Variants in PPP1R7 observed in about 807,000 individuals in gnomAD.
PPP1R7 encodes protein phosphatase 1 regulatory subunit 7, also known as protein phosphatase 1 regulatory subunit 22.
PPP1R7 carries 18 observed loss-of-function variants against 45.2 expected under a neutral mutation model. The ratio of observed to expected loss-of-function variants is 0.40; its 90% CI spans 0.28 to 0.59. PPP1R7 has a LOEUF of 0.59. PPP1R7 is among the 20% of genes least tolerant of loss of function. PPP1R7 has a pLI of 0.46. For missense variants in PPP1R7, 314 were observed against 455.8 expected, an observed-to-expected ratio of 0.69 and a Z score of 2.83; for synonymous variants, 181 against 183.4, an observed-to-expected ratio of 0.99 and a Z score of 0.11.
chr2:241,164,436 T>TG (rs1451490502), intron 7 of PPP1R7, among the ~76,000 whole-genome samples: 1 of 152,226 alleles, frequency 6.6e-6, no homozygotes, highest in Non-Finnish European at 1.5e-5. Context: ...TTACCTTTTG[T>TG]GTTGGAAGCA....
intron 9 of PPP1R7, among the ~76,000 whole-genome samples, chr2:241,176,596 T>A (rs796868918): frequency 7.2e-5 from 11 of 152,192 alleles, no homozygotes; most frequent in African/African-American, 2.6e-4. Context: ...TAGTTGGGAT[T>A]ACAGGTGGCT....
chr2:241,162,534 T>C (rs537611288), intron 6 of PPP1R7, among the ~76,000 whole-genome samples: 1 of 152,078 alleles, frequency 6.6e-6, no homozygotes, highest in South Asian at 2.1e-4. Flanking sequence ...AAGAGTGATG[T>C]AGGAGGGTGT....
chr2:241,161,625 A>G (rs2067592488), intron 6 of PPP1R7, among the ~76,000 whole-genome samples: 1 of 152,226 alleles, frequency 6.6e-6, no homozygotes. Context: ...CGTGGGACAG[A>G]ATGGAAATAA....
chr2:241,150,103 G>A, upstream of PPP1R7: 1 of 1,263,748 alleles, frequency 7.9e-7, no homozygotes, highest in Non-Finnish European at 1.0e-6. Context: ...AGATCCGCCT[G>A]GCCCGCGGCC....
chr2:241,181,145 C>T (rs906020808), intron 9 of PPP1R7, among the ~76,000 whole-genome samples: 5 of 152,144 alleles, frequency 3.3e-5, no homozygotes, highest in African/African-American at 1.2e-4. Flanking sequence ...TTGCAGTGAG[C>T]AGAGATTGCC....
chr2:241,168,204 G>A lies in PPP1R7; in HGVS notation c.820-1577G>A, dbSNP rs112221080. On this transcript the variant is annotated intron_variant, in intron 8 of 9. Transcript: ENST00000234038. The stretch of plus-strand genomic sequence containing the variant: ...GTTTTCACAACATTGTCCAGCTCCT[G>A]TAGAAAAACGTGAAATAGTGTTGAG... 1.3e-3 allele frequency among the ~76,000 whole-genome samples: 197 copies of A among 152,326 alleles called. 2 individuals carry two copies. Among genetic ancestry groups the A allele is most frequent in the African/African-American group, 4.5e-3 (185 of 41,566 alleles).
At chr2:241,149,811 T>C (rs1331477731), upstream of PPP1R7, 11 of 1,531,116 alleles carry the variant, frequency 7.2e-6, no homozygotes, top group Admixed American at 1.2e-4. Flanking sequence ...AGACGAAGGC[T>C]GCAGCGTCCG....
chr2:241,153,706 A>G, intron 2 of PPP1R7, 102 bp downstream of exon 2: 1 of 1,467,790 alleles, frequency 6.8e-7, no homozygotes, highest in Non-Finnish European at 9.2e-7. Flanking sequence ...GGTCTGGAGA[A>G]GGACTGCCGT....
At chr2:241,167,523 C>T (rs770720044) in intron 8 of PPP1R7, among the ~76,000 whole-genome samples, 1 of 152,172 alleles carries the variant, frequency 6.6e-6, no homozygotes, top group Non-Finnish European at 1.5e-5. Flanking sequence ...GGGTGGGGTG[C>T]GCAGCAGGGA....
rs535459410 is a variant in PPP1R7 at position 241,182,956 on chromosome 2, G to A, written c.*133G>A. On this transcript the variant is annotated 3_prime_UTR_variant, in exon 10 of 10. Transcript: ENST00000234038. ...ACCCAATGGCAATAAAGGCACTGAC[G>A]ATAGCTGGCGCGCGCGACGTCACAC... 5.4e-5 allele frequency: 56 copies of A among 1,035,414 alleles called. No individual in the cohort carries two copies. Among genetic ancestry groups the A allele is most frequent in the South Asian group, 3.5e-4 (21 of 60,352 alleles). The allele number at this position is 1,035,414 out of a possible 1,614,324, so 64.1% of individuals were successfully genotyped here. A position where few individuals can be genotyped will look rare whatever the true frequency, so the allele number is the denominator to read the frequency against.
chr2:241,150,089 G>A (rs1480121643), upstream of PPP1R7: 2 of 1,269,222 alleles, frequency 1.6e-6, no homozygotes, highest in South Asian at 2.1e-5. Flanking sequence ...TTGCAGCCAC[G>A]GAAAGATCCG....
At position 241,182,816 on chromosome 2, in the gene PPP1R7, G is replaced by A. The variant is rs948229115; in HGVS notation, c.1076G>A (p.Arg359Lys). Residue 359 changes from arginine to lysine, a missense_variant, in exon 10 of 10, where the codon AGG becomes AAG. Coordinates refer to ENST00000234038, the MANE Select transcript of PPP1R7 (RefSeq NM_002712.3). ...CGGCAGATCGATGCCACGTTCGTCA[G>A]GTTCTGAGTCCTTCTTGGCTCCTCA... ...SVRQIDATFVRF is the reference protein window; with the variant it reads ...SVRQIDATFVKF 2 of 1,610,194 alleles carry A rather than the reference G, an allele frequency of 1.2e-6. No homozygotes were observed. The highest frequency in any genetic ancestry group is 1.7e-6 in the Non-Finnish European group (2 of 1,176,762).
chr2:241,162,912 C>T (rs751081654), intron 6 of PPP1R7, among the ~76,000 whole-genome samples: 1 of 152,120 alleles, frequency 6.6e-6, no homozygotes. Context: ...CTCTATCTGA[C>T]CTTGTGATCC....
chr2:241,157,932 A>G (rs182423644), intron 3 of PPP1R7, 70 bp downstream of exon 3: 1 of 1,499,116 alleles, frequency 6.7e-7, no homozygotes, highest in Non-Finnish European at 9.3e-7. Context: ...CTTGTATGAG[A>G]TTAGTAAGTT....
chr2:241,174,570 C>T (rs550670534), intron 9 of PPP1R7, among the ~76,000 whole-genome samples: 39 of 152,140 alleles, frequency 2.6e-4, no homozygotes, highest in Middle Eastern at 3.4e-3. Context: ...GGCAGAAGGC[C>T]GGGATGATCA....
rs139086894 is a variant in PPP1R7 at position 241,183,466 on chromosome 2, G to T, written c.*643G>T. The stretch of plus-strand genomic sequence containing the variant: ...CCACATCCCTTGCCTGTGGGTGAAA[G>T]CTCAGGTGTGGGGAGGGTGTCCTGT... On this transcript the variant is annotated 3_prime_UTR_variant, in exon 10 of 10. Coordinates refer to ENST00000234038, the MANE Select transcript of PPP1R7 (RefSeq NM_002712.3). The T allele has an allele frequency of 2.1e-6, 1 of 471,150 alleles. No homozygotes were observed. Among genetic ancestry groups the T allele is most frequent in the Non-Finnish European group, 4.4e-6 (1 of 227,054 alleles). The allele number at this position is 471,150 out of a possible 1,614,324, so 29.2% of individuals were successfully genotyped here.
At chr2:241,180,024 T>C (rs1315889477) in intron 9 of PPP1R7, among the ~76,000 whole-genome samples, 1 of 152,138 alleles carries the variant, frequency 6.6e-6, no homozygotes, top group Non-Finnish European at 1.5e-5. Flanking sequence ...AATAATGACA[T>C]TGGAAAATGC....
At chr2:241,176,953 G>A (rs968486963) in intron 9 of PPP1R7, among the ~76,000 whole-genome samples, 7 of 152,154 alleles carry the variant, frequency 4.6e-5, no homozygotes, top group Non-Finnish European at 7.3e-5. Flanking sequence ...ACATGCAGCT[G>A]GGCACGGTGG....
intron 9 of PPP1R7, 38 bp downstream of exon 9, chr2:241,169,905 C>G (rs1437814439): frequency 1.4e-6 from 2 of 1,457,122 alleles, no homozygotes; most frequent in Non-Finnish European, 9.6e-7. Context: ...GACACTTTGA[C>G]TAAACTGGTC....
Sources: allele counts gnomAD v4.1 joint callset (sites outside exome capture counted in the v4.1 genomes callset), GRCh38; gene constraint gnomAD v4.1.1; transcripts MANE v1.5; gene names NCBI Gene and HGNC (gene_info 2026-07-23, HGNC 2026-07-21).